FAT2: variants seen among roughly 807,000 people sequenced by gnomAD.
FAT2 encodes protocadherin Fat 2.
In FAT2, 150 loss-of-function variants were observed where a neutral mutation model predicts 295.3. The ratio of observed to expected loss-of-function variants is 0.51; its 90% CI spans 0.44 to 0.58. The LOEUF is 0.58. FAT2 is among the 20% of genes least tolerant of loss of function. The pLI, the probability that FAT2 is intolerant of heterozygous loss-of-function variation, is 0.00. For synonymous variants in FAT2, 2,026 were observed against 2,150.3 expected (o/e 0.94, Z 1.60); for missense variants, 4,868 against 5,442.7 (o/e 0.89, Z 3.32).
Position 151,543,740 on chromosome 5 carries a change from C to G in FAT2, c.7387G>C (p.Ala2463Pro), listed in dbSNP as rs767020729. 17 of 1,614,074 alleles carry G rather than the reference C, an allele frequency of 1.1e-5. No homozygotes were observed. In the South Asian group the frequency reaches 1.8e-4, roughly 17 times the overall value. Residue 2463 changes from alanine to proline, a missense_variant, in exon 10 of 24, where the codon GCA (alanine) becomes CCA (proline). Around this residue, in one of 5 missense-constraint regions of FAT2, gnomAD observed 3,297 missense variants for 3,669.4 expected, o/e 0.90. Coordinates refer to ENST00000261800, the MANE Select transcript of FAT2 (RefSeq NM_001447.3). ...GTGTTGATGTACACAGGCACAGTTG[C>G]TCGGAAGACTCCATCAGAAGCACCT... is the stretch of plus-strand genomic sequence containing the variant. ...RVGASDGVFRATVPVYINTTN... is the reference protein window; with the variant it reads ...RVGASDGVFRPTVPVYINTTN...
intron 2 of FAT2, among the ~76,000 whole-genome samples, chr5:151,565,089 A>T (rs1243476361): frequency 6.6e-6 from 1 of 152,018 alleles, no homozygotes; most frequent in Non-Finnish European, 1.5e-5. Flanking sequence ...AAAGAAAAGA[A>T]TTTTTTTCTG....
At position 151,527,334 on chromosome 5, in the gene FAT2, T is replaced by C. The variant is rs760987748; in HGVS notation, c.10208A>G (p.Gln3403Arg). The C allele has an allele frequency of 2.5e-6, 4 of 1,613,326 alleles. No individual in the cohort carries two copies. In the South Asian group the frequency reaches 4.4e-5, roughly 18 times the overall value. Residue 3403 changes from glutamine (Q) to arginine (R), a missense_variant, in exon 17 of 24, where the codon CAG becomes CGG. Coordinates refer to ENST00000261800, the MANE Select transcript of FAT2 (RefSeq NM_001447.3). Reference sequence around the variant, plus strand: ...GTCTGTGTCCTCATGCAGTGGAGGCTGCCCACTGTCTGTGGCTCGGAGCTT... The same window carrying C: ...GTCTGTGTCCTCATGCAGTGGAGGCCGCCCACTGTCTGTGGCTCGGAGCTT... ...SLKLRATDSG[Q>R]PPLHEDTDIA...
At chr5:151,571,587 G>T (rs1758527874) in intron 1 of FAT2, among the ~76,000 whole-genome samples, 1 of 152,228 alleles carries the variant, frequency 6.6e-6, no homozygotes, top group African/African-American at 2.4e-5. Flanking sequence ...ATGCACCCTT[G>T]GATGGTGGCT....
chr5:151,525,973 CGA>C lies in FAT2; in HGVS notation c.10309-10_10309-9del. 1.9e-6 allele frequency: 3 copies of C among 1,613,478 alleles called. No homozygotes were observed. The highest frequency in any genetic ancestry group is 2.5e-6 in the Non-Finnish European group (3 of 1,179,730). On this transcript the variant is annotated splice_polypyrimidine_tract_variant and intron_variant, in intron 17 of 23. Coordinates refer to ENST00000261800, the MANE Select transcript of FAT2 (RefSeq NM_001447.3). ...GCCAATGGGGGAGTTCTCCTGAGAC[CGA>C]GAGTGACAAAGAAGGCAAAGAGCAG...
intron 3 of FAT2, among the ~76,000 whole-genome samples, chr5:151,558,304 T>C (rs535788621): frequency 7.2e-5 from 11 of 152,220 alleles, no homozygotes; most frequent in African/African-American, 2.6e-4. Context: ...CTGCACACAA[T>C]ATATTGTTGA....
chr5:151,517,289 C>A (rs1257436871), intron 20 of FAT2, among the ~76,000 whole-genome samples: 1 of 152,194 alleles, frequency 6.6e-6, no homozygotes, highest in Admixed American at 6.5e-5. Context: ...GGTAAGCAAT[C>A]CCCCCATCCC....
At chr5:151,553,468 G>T in intron 5 of FAT2, 81 bp from the exon 6 acceptor site, 1 of 1,235,382 alleles carries the variant, frequency 8.1e-7, no homozygotes, top group African/African-American at 1.5e-5. Context: ...GAACCAGAGC[G>T]TCCTGTGATT....
chr5:151,551,629 G>A (rs1355754353), intron 6 of FAT2, 23 bp from the exon 7 acceptor site: 2 of 1,613,468 alleles, frequency 1.2e-6, no homozygotes, highest in Middle Eastern at 1.7e-4. Context: ...TGGGGAGAAA[G>A]CACACACAAC....
At chr5:151,591,072 C>T (rs900955086) in intron 1 of FAT2, among the ~76,000 whole-genome samples, 93 bp downstream of exon 1, 3 of 152,220 alleles carry the variant, frequency 2.0e-5, no homozygotes, top group Non-Finnish European at 4.4e-5. Flanking sequence ...CTTCCAGGAG[C>T]CCCCAACTCC....
In FAT2 at chr5:151,565,653, CCCT is replaced by C; in HGVS notation, c.3259+17_3259+19del. The C allele has an allele frequency of 1.3e-6, 2 of 1,488,612 alleles. No homozygotes were observed. The highest frequency in any genetic ancestry group is 1.8e-6 in the Non-Finnish European group (2 of 1,098,656). The allele number at this position is 1,488,612 out of a possible 1,614,324, so 92.2% of individuals were successfully genotyped here. A position where few individuals can be genotyped will look rare whatever the true frequency, so the allele number is the denominator to read the frequency against. ...ATCTACCTCTGGCCCTGGCACCCCA[CCCT>C]ACCCCACCCCCAGTACCTGTATCTT... On this transcript the variant is annotated intron_variant, in intron 2 of 23. Transcript: ENST00000261800.
chr5:151,543,507 CAG>C lies in FAT2; in HGVS notation c.7618_7619del (p.Leu2540AlafsTer16), dbSNP rs1484476077. On this transcript the variant is annotated frameshift_variant, in exon 10 of 24. Transcript: ENST00000261800. LOFTEE classifies it high-confidence loss of function. The stretch of plus-strand genomic sequence containing the variant: ...TTGAATTTTCCCGATCCAGTTTCTG[CAG>C]AGTGGCAATCTGGCCATTGGGGTTT... ...SINPNGQIAT[L>X]QKLDRENSTE... 1.7e-5 allele frequency: 27 copies of C among 1,614,180 alleles called. No homozygotes were observed. Among genetic ancestry groups the C allele is most frequent in the Non-Finnish European group, 2.2e-5 (26 of 1,180,038 alleles).
chr5:151,518,007 G>T (rs1016864765), intron 19 of FAT2, among the ~76,000 whole-genome samples: 1 of 152,038 alleles, frequency 6.6e-6, no homozygotes, highest in African/African-American at 2.4e-5. Context: ...TCCCAGGCTG[G>T]GTCAAGAAAT....
Position 151,563,358 on chromosome 5 carries a change from A to G in FAT2, c.3541T>C (p.Tyr1181His), listed in dbSNP as rs6872614. 1 allele frequency: 1,606,226 copies of G among 1,614,172 alleles called. 799,164 individuals carry two copies. Among genetic ancestry groups the G allele is most frequent in the East Asian group, 1 (44,878 of 44,878 alleles). ...GGGTGAATCATAAAGAATCCCATGT[A>G]GTTCCCACTGGTGATGTTGAAGGTC... ...KLTFNITSGN[Y>H]MGFFMIHPVT... The change falls in exon 3 of 24, where the codon TAC becomes CAC. Residue 1181 changes from tyrosine (Y) to histidine (H), a missense_variant. Tyr to His is a moderately conservative substitution (Grantham distance 83). Transcript: ENST00000261800.
intron 20 of FAT2, among the ~76,000 whole-genome samples, chr5:151,516,546 C>T (rs1318060070): frequency 2.0e-5 from 3 of 152,082 alleles, no homozygotes; most frequent in Non-Finnish European, 4.4e-5. Context: ...TTGCAACTCT[C>T]CTCACCCCTG....
chr5:151,508,277 T>C (rs1288712624), intron 22 of FAT2, among the ~76,000 whole-genome samples: 1 of 152,158 alleles, frequency 6.6e-6, no homozygotes, highest in Non-Finnish European at 1.5e-5. Context: ...TTATTTTGGG[T>C]TAAATGTTGT....
Position 151,537,879 on chromosome 5 carries a change from G to T in FAT2, c.9107C>A (p.Thr3036Lys), listed in dbSNP as rs755032046. The T allele has an allele frequency of 3.1e-6, 5 of 1,614,196 alleles. No homozygotes were observed. The East Asian group carries it at 8.9e-5, about 29-fold the overall frequency. ...PGHFILKVSATDLDTDTNAQI... is the reference protein window; with the variant it reads ...PGHFILKVSAKDLDTDTNAQI... Reference sequence around the variant, plus strand: ...AGCATTGGTATCAGTGTCCAAGTCTGTGGCAGAAACCTTCAAAATGAAGTG... The same window carrying T: ...AGCATTGGTATCAGTGTCCAAGTCTTTGGCAGAAACCTTCAAAATGAAGTG... Residue 3036 changes from threonine to lysine, a missense_variant, in exon 12 of 24, where the codon ACA becomes AAA. Coordinates refer to ENST00000261800, the MANE Select transcript of FAT2 (RefSeq NM_001447.3).
intron 1 of FAT2, among the ~76,000 whole-genome samples, chr5:151,573,159 C>G (rs115420068): frequency 3.9e-5 from 6 of 152,186 alleles, no homozygotes; most frequent in African/African-American, 1.4e-4. Flanking sequence ...AACACACAGG[C>G]TCTGGCTGTG....
At chr5:151,592,937 G>A (rs978339499), upstream of FAT2, among the ~76,000 whole-genome samples, 2 of 152,236 alleles carry the variant, frequency 1.3e-5, no homozygotes, top group South Asian at 2.1e-4. Flanking sequence ...TGCAGCCACT[G>A]TGAGTTGTGC....
At chr5:151,515,901 T>G (rs1752816462) in intron 20 of FAT2, among the ~76,000 whole-genome samples, 1 of 152,244 alleles carries the variant, frequency 6.6e-6, no homozygotes, top group African/African-American at 2.4e-5. Context: ...GCCTCCATTT[T>G]GCTCAGAATA....
Sources: gnomAD v4.1 joint callset for allele counts (sites outside exome capture counted in the v4.1 genomes callset) on GRCh38, gnomAD v4.1.1 for gene constraint, gnomAD v4.1.1 regional missense constraint, MANE v1.5 for transcripts, NCBI Gene and HGNC (gene_info 2026-07-23, HGNC 2026-07-21) for gene names.